Variants in RPL32 observed in about 807,000 individuals in gnomAD.
RPL32 encodes the protein large ribosomal subunit protein eL32.
For missense variants in RPL32, 117 were observed against 173.7 expected, an observed-to-expected ratio of 0.67 and a Z score of 1.83; for synonymous variants, 61 against 62.6, an observed-to-expected ratio of 0.98 and a Z score of 0.12.
At position 12,837,739 on chromosome 3, in the gene RPL32, T is replaced by C. The variant is rs930555810; in HGVS notation, c.279-1516A>G. 2.0e-5 allele frequency among the ~76,000 whole-genome samples: 3 copies of C among 152,256 alleles called. No individual in the cohort carries two copies. The South Asian group carries it at 6.2e-4, about 31-fold the overall frequency. ...ATCTTTGTAAACGTAAACACAAACA[T>C]CCTAGTTAGTCACACACACTCCATG... On this transcript the variant is annotated intron_variant, in intron 3 of 3. Transcript: ENST00000429711.
Position 12,840,132 on chromosome 3 carries a change from G to A in RPL32, c.96+10C>T. ...CACCCCACACCCATTTCCATCCCAG[G>A]ACCACATACCTTAATTTTGACATAT... On this transcript the variant is annotated intron_variant, in intron 2 of 3. Coordinates refer to ENST00000429711, the MANE Select transcript of RPL32 (RefSeq NM_000994.4). 2 of 1,606,470 alleles carry A rather than the reference G, an allele frequency of 1.2e-6. No homozygotes were observed. The highest frequency in any genetic ancestry group is 1.7e-6 in the Non-Finnish European group (2 of 1,173,150).
chr3:12,836,196 A>G lies in RPL32; in HGVS notation c.306T>C (p.Asn102=). 2 of 1,600,826 alleles carry G rather than the reference A, an allele frequency of 1.2e-6. No individual in the cohort carries two copies. Among genetic ancestry groups the G allele is most frequent in the Non-Finnish European group, 1.7e-6 (2 of 1,179,786 alleles). ...NKSYCAEIAH[N]VSSKNRKAIV... is the part of the protein sequence containing the mutation. ...TGGCTTTGCGGTTCTTGGAGGAAAC[A>G]TTGTGAGCGATCTCGGCACAGTAAG... The change falls in exon 4 of 4, where the codon AAT becomes AAC. Residue 102 remains asparagine (N), a synonymous_variant. Coordinates refer to ENST00000429711, the MANE Select transcript of RPL32 (RefSeq NM_000994.4).
intron 1 of RPL32, chr3:12,840,527 A>G: frequency 1.8e-6 from 1 of 556,718 alleles, no homozygotes; most frequent in South Asian, 1.4e-5. Context: ...AGACACTCTC[A>G]ATTTGCAAGG....
intron 1 of RPL32, chr3:12,840,687 G>T (rs774762962): frequency 5.6e-5 from 20 of 357,426 alleles, no homozygotes; most frequent in Non-Finnish European, 1.0e-4. Flanking sequence ...CCTGTCACAG[G>T]GTAAATGTTC....
chr3:12,840,613 T>C (rs2062144133), intron 1 of RPL32: 1 of 433,876 alleles, frequency 2.3e-6, no homozygotes. Flanking sequence ...ACCATCTACT[T>C]GAACCTGAGT....
At position 12,838,338 on chromosome 3, in the gene RPL32, G is replaced by A. The variant is rs552692688; in HGVS notation, c.278+1011C>T. Among the ~76,000 whole-genome samples, 4 of 152,302 alleles carry A rather than the reference G, an allele frequency of 2.6e-5. No individual in the cohort carries two copies. In the South Asian group the frequency reaches 8.3e-4, roughly 32 times the overall value. ...GAAGAAACGCCTGAAACTGGGCGGT[G>A]GAGGTTGCAGTGAGCCGAAGTCATG... On this transcript the variant is annotated intron_variant, in intron 3 of 3. Transcript: ENST00000429711.
intron 3 of RPL32, 120 bp from the exon 4 acceptor site, chr3:12,836,343 G>T: frequency 8.3e-7 from 1 of 1,202,824 alleles, no homozygotes; most frequent in African/African-American, 1.5e-5. Context: ...AAGTGGCTGT[G>T]GAATGACACC....
rs138098432 is a variant in RPL32, at chr3:12,839,385, T to C, written c.242A>G (p.Asn81Ser). The change falls in exon 3 of 4, where the codon AAC becomes AGC. Residue 81 changes from asparagine to serine, a missense_variant. Asn to Ser is a conservative substitution (Grantham distance 46). Transcript: ENST00000429711. ...CAGCAGCACTTCCAGCTCCTTGACG[T>C]TGTGGACCAGGAACTTCCGGAAGCC... ...PSGFRKFLVHNVKELEVLLMC... is the reference protein window; with the variant it reads ...PSGFRKFLVHSVKELEVLLMC... 5.0e-6 allele frequency: 8 copies of C among 1,614,150 alleles called. No individual in the cohort carries two copies. The highest frequency in any genetic ancestry group is 1.3e-5 in the African/African-American group (1 of 75,050).
chr3:12,839,299 A>C, intron 3 of RPL32, 50 bp downstream of exon 3: 1 of 1,564,736 alleles, frequency 6.4e-7, no homozygotes, highest in Non-Finnish European at 8.8e-7. Flanking sequence ...AAGTGCTCAC[A>C]CAGATGCAAA....
intron 3 of RPL32, chr3:12,838,907 CAT>C (rs1196456693): frequency 1.4e-5 from 3 of 207,042 alleles, no homozygotes; most frequent in African/African-American, 7.0e-5. Flanking sequence ...ACCTTGGACA[CAT>C]ATTCTTAGGG....
chr3:12,840,453 G>A (rs1273454095), intron 1 of RPL32: 4 of 692,204 alleles, frequency 5.8e-6, no homozygotes, highest in Non-Finnish European at 1.1e-5. Flanking sequence ...AGGAGGTCAA[G>A]GGTCACCTCA....
Position 12,839,433 on chromosome 3 carries a change from T to A in RPL32, c.194A>T (p.Lys65Ile), listed in dbSNP as rs11553823. 1.9e-6 allele frequency: 3 copies of A among 1,614,216 alleles called. No individual in the cohort carries two copies. The highest frequency in any genetic ancestry group is 2.5e-6 in the Non-Finnish European group (3 of 1,180,044). ...GCCACTGGGCAGCATGTGCTTTGTT[T>A]TTTTGTTGCTTCCATAACCAATGTT... ...MPNIGYGSNKKTKHMLPSGFR... is the reference protein window; with the variant it reads ...MPNIGYGSNKITKHMLPSGFR... The change falls in exon 3 of 4, where the codon AAA (lysine) becomes ATA (isoleucine). Residue 65 changes from lysine to isoleucine, a missense_variant. Lys to Ile is a moderately radical substitution (Grantham distance 102). Coordinates refer to ENST00000429711, the MANE Select transcript of RPL32 (RefSeq NM_000994.4).
chr3:12,836,086 T>C lies in RPL32; in HGVS notation c.*8A>G. On this transcript the variant is annotated 3_prime_UTR_variant, in exon 4 of 4. Transcript: ENST00000429711. The stretch of plus-strand genomic sequence containing the variant: ...TTTATTTAAACAGAAAACGTGCACA[T>C]GAGCTGCCTACTCATTTTCTTCACT... The C allele has an allele frequency of 6.2e-6, 10 of 1,611,082 alleles. No homozygotes were observed. The highest frequency in any genetic ancestry group is 7.6e-6 in the Non-Finnish European group (9 of 1,179,992).
chr3:12,840,690 A>G, intron 1 of RPL32: 1 of 356,880 alleles, frequency 2.8e-6, no homozygotes, highest in Non-Finnish European at 5.6e-6. Flanking sequence ...GTCACAGGGT[A>G]AATGTTCAAT....
Position 12,836,026 on chromosome 3 carries a change from T to A in RPL32, c.*68A>T. ...TGGCCAAGAAGCTGAAGACTTAAAATCAAGGAAGGAAGATGCCAGATGGCA... is the reference window on the plus strand; with the variant it reads ...TGGCCAAGAAGCTGAAGACTTAAAAACAAGGAAGGAAGATGCCAGATGGCA... On this transcript the variant is annotated 3_prime_UTR_variant, in exon 4 of 4. Coordinates refer to ENST00000429711, the MANE Select transcript of RPL32 (RefSeq NM_000994.4). 3 of 1,582,870 alleles carry A rather than the reference T, an allele frequency of 1.9e-6. No individual in the cohort carries two copies. The South Asian group carries it at 3.3e-5, about 18-fold the overall frequency.
chr3:12,841,445 G>A (rs2062151732), intron 1 of RPL32, 49 bp downstream of exon 1: 1 of 152,268 alleles, frequency 6.6e-6, no homozygotes, highest in Non-Finnish European at 1.5e-5. Flanking sequence ...TGGGCGACGG[G>A]GCCAGATGAA....
chr3:12,835,888 C>T lies in RPL32; in HGVS notation c.*206G>A. On this transcript the variant is annotated 3_prime_UTR_variant, in exon 4 of 4. Transcript: ENST00000429711. ...TGGAGATGACTAAGGCTAGTCTGTG[C>T]ACTTGAGGCCACATTCCCCTGTTCA... 1.7e-6 allele frequency: 1 copy of T among 590,746 alleles called. No individual in the cohort carries two copies. Among genetic ancestry groups the T allele is most frequent in the Non-Finnish European group, 2.9e-6 (1 of 340,778 alleles). The allele number at this position is 590,746 out of a possible 1,614,324, so 36.6% of individuals were successfully genotyped here. A position where few individuals can be genotyped will look rare whatever the true frequency, so the allele number is the denominator to read the frequency against.
In RPL32 at chr3:12,836,068, A is replaced by G; in HGVS notation, c.*26T>C. Reference sequence around the variant, plus strand: ...CAGATGGCAGTTTTTACATTTATTTAAACAGAAAACGTGCACATGAGCTGC... The same window carrying G: ...CAGATGGCAGTTTTTACATTTATTTGAACAGAAAACGTGCACATGAGCTGC... On this transcript the variant is annotated 3_prime_UTR_variant, in exon 4 of 4. Transcript: ENST00000429711. 6.2e-7 allele frequency: 1 copy of G among 1,608,332 alleles called. No individual in the cohort carries two copies. The highest frequency in any genetic ancestry group is 8.5e-7 in the Non-Finnish European group (1 of 1,179,052).
Position 12,839,353 on chromosome 3 carries a change from T to C in RPL32, c.274A>G (p.Asn92Asp), listed in dbSNP as rs772631411. ...TAGAGGTGGGACCCAACTCACTTGT[T>C]GCACATCAGCAGCACTTCCAGCTCC... ...VKELEVLLMC[N>D]KSYCAEIAHN... Residue 92 changes from asparagine (N) to aspartate (D), a missense_variant, in exon 3 of 4, where the codon AAC (asparagine) becomes GAC (aspartate). By Grantham distance (23) the Asn-to-Asp change is conservative. Coordinates refer to ENST00000429711, the MANE Select transcript of RPL32 (RefSeq NM_000994.4). The C allele has an allele frequency of 5.0e-6, 8 of 1,613,944 alleles. No individual in the cohort carries two copies. Among genetic ancestry groups the C allele is most frequent in the Non-Finnish European group, 6.8e-6 (8 of 1,179,922 alleles).
Sources: allele counts gnomAD v4.1 joint callset (sites outside exome capture counted in the v4.1 genomes callset), GRCh38; gene constraint gnomAD v4.1.1; transcripts MANE v1.5; gene names NCBI Gene and HGNC (gene_info 2026-07-23, HGNC 2026-07-21).